The following MTA3 variants were observed in gnomAD, a reference collection of about 807,000 sequenced individuals.
The protein encoded by MTA3 is metastasis associated 1 family member 3.
MTA3 carries 34 observed loss-of-function variants against 83.5 expected under a neutral mutation model. That is an observed-to-expected ratio of 0.41 (90% CI 0.31 to 0.54). The LOEUF is 0.54. MTA3 is among the 20% of genes least tolerant of loss of function. MTA3 has a pLI of 0.33. For synonymous variants in MTA3, 303 were observed against 252.7 expected, an observed-to-expected ratio of 1.20 and a Z score of -1.89; for missense variants, 761 against 726.4, an observed-to-expected ratio of 1.05 and a Z score of -0.55.
chr2:42,696,060 A>G (rs994032545), intron 10 of MTA3, among the ~76,000 whole-genome samples: 4 of 152,168 alleles, frequency 2.6e-5, no homozygotes, highest in African/African-American at 9.6e-5. Flanking sequence ...TTGGAGAGAT[A>G]CCACTAGAGA....
rs1216701116 is a variant in MTA3 at position 42,568,825 on chromosome 2, G to A, written c.28+52G>A. 7.4e-6 allele frequency: 9 copies of A among 1,212,354 alleles called. No individual in the cohort carries two copies. The South Asian group carries it at 2.9e-4, about 39-fold the overall frequency. The allele number at this position is 1,212,354 out of a possible 1,614,324, so 75.1% of individuals were successfully genotyped here. On this transcript the variant is annotated intron_variant, in intron 1 of 16. Coordinates refer to ENST00000405094, the MANE Select transcript of MTA3 (RefSeq NM_001330442.2). ...CGTGTGGGAGCGGGTTCCGGGAGCG[G>A]GGGGCCGGGGCGAGTGCACGCCAAC... is the stretch of plus-strand genomic sequence containing the variant.
rs151256332 is a variant in MTA3, at chr2:42,647,894, G to A, written c.499+3650G>A. On this transcript the variant is annotated intron_variant, in intron 6 of 16. Transcript: ENST00000405094. Reference sequence around the variant, plus strand: ...GCTCTTGTTGCCCAGGCTGGAGTGCGGTGGCGTGATCTCGGCTCATTGCAA... The same window carrying A: ...GCTCTTGTTGCCCAGGCTGGAGTGCAGTGGCGTGATCTCGGCTCATTGCAA... Among the ~76,000 whole-genome samples, 1,272 of 152,172 alleles carry A rather than the reference G, an allele frequency of 8.4e-3. 17 individuals are homozygous for A. The highest frequency in any genetic ancestry group is 0.028 in the African/African-American group (1,175 of 41,520).
At chr2:42,599,193 C>G (rs764600509) in intron 3 of MTA3, among the ~76,000 whole-genome samples, 20 of 152,142 alleles carry the variant, frequency 1.3e-4, no homozygotes, top group Non-Finnish European at 2.6e-4. Context: ...TATAAGACTT[C>G]TATGAGTCTT....
intron 4 of MTA3, among the ~76,000 whole-genome samples, chr2:42,620,451 A>G (rs1246517053): frequency 6.6e-6 from 1 of 152,098 alleles, no homozygotes; most frequent in Non-Finnish European, 1.5e-5. Flanking sequence ...TGAACTCAGA[A>G]GTACACCTAA....
intron 2 of MTA3, among the ~76,000 whole-genome samples, chr2:42,505,103 A>T (rs767401908): frequency 6.6e-6 from 1 of 152,018 alleles, no homozygotes; most frequent in Non-Finnish European, 1.5e-5. Flanking sequence ...GCTTTAAGAG[A>T]TGAGATGGGG....
At chr2:42,562,688 A>G (rs1316851611) in intron 2 of MTA3, among the ~76,000 whole-genome samples, 1 of 152,170 alleles carries the variant, frequency 6.6e-6, no homozygotes, top group African/African-American at 2.4e-5. Context: ...GACTCAGGGA[A>G]CCTGCTTCTT....
At chr2:42,606,705 G>C (rs939029181) in intron 3 of MTA3, among the ~76,000 whole-genome samples, 2 of 151,716 alleles carry the variant, frequency 1.3e-5, no homozygotes, top group African/African-American at 4.8e-5. Flanking sequence ...TGCAATCTCG[G>C]CACTTTGGGA....
In MTA3 at chr2:42,754,085, G is replaced by C; in HGVS notation, c.*686G>C. The C allele has an allele frequency of 4.5e-5, 44 of 985,436 alleles. No homozygotes were observed. Among genetic ancestry groups the C allele is most frequent in the Non-Finnish European group, 5.3e-5 (44 of 829,966 alleles). 61.0% of individuals were successfully genotyped at this position (985,436 alleles called of 1,614,324 possible). A position where few individuals can be genotyped will look rare whatever the true frequency, so the allele number is the denominator to read the frequency against. ...CCTGTAAACTCATCATCTGTGTTTT[G>C]TGGTTGGAGAGAAACTGGTGTTCTG... On this transcript the variant is annotated 3_prime_UTR_variant, in exon 17 of 17. Coordinates refer to ENST00000405094, the MANE Select transcript of MTA3 (RefSeq NM_001330442.2).
chr2:42,673,096 GC>G (rs1690986173), intron 8 of MTA3, among the ~76,000 whole-genome samples: 1 of 142,794 alleles, frequency 7.0e-6, no homozygotes, highest in African/African-American at 2.6e-5. Context: ...ATCCACCCCC[GC>G]CCCCCTCTGA....
intron 4 of MTA3, among the ~76,000 whole-genome samples, chr2:42,621,494 A>G: frequency 6.6e-6 from 1 of 152,256 alleles, no homozygotes; most frequent in East Asian, 1.9e-4. Flanking sequence ...AATTCTTCTT[A>G]GTACAGAACA....
At position 42,568,667 on chromosome 2, in the gene MTA3, G is replaced by C. The variant is rs1678074292; in HGVS notation, c.-79G>C. On this transcript the variant is annotated 5_prime_UTR_variant, in exon 1 of 17. Transcript: ENST00000405094. ...AGCAGCGACGGCGGCGGCGGCAGCG[G>C]CGGTCGCGGCTGAGGCTGAGGAGGA... The C allele has an allele frequency of 9.0e-7, 1 of 1,106,864 alleles. No individual in the cohort carries two copies. The highest frequency in any genetic ancestry group is 1.1e-6 in the Non-Finnish European group (1 of 889,806). The allele number at this position is 1,106,864 out of a possible 1,614,324, so 68.6% of individuals were successfully genotyped here. A position where few individuals can be genotyped will look rare whatever the true frequency, so the allele number is the denominator to read the frequency against.
chr2:42,716,079 C>T (rs912265937), intron 14 of MTA3, among the ~76,000 whole-genome samples: 1 of 152,130 alleles, frequency 6.6e-6, no homozygotes, highest in Non-Finnish European at 1.5e-5. Flanking sequence ...ATTACTCTTC[C>T]ACAAGATGTT....
At chr2:42,743,497 G>A (rs1199772057) in intron 16 of MTA3, among the ~76,000 whole-genome samples, 5 of 152,210 alleles carry the variant, frequency 3.3e-5, no homozygotes, top group Non-Finnish European at 2.9e-5. Context: ...GCCAGGGAAA[G>A]TGATGAATTG....
chr2:42,734,379 G>A (rs1960952), intron 16 of MTA3, among the ~76,000 whole-genome samples: 79,679 of 146,310 alleles, frequency 0.54, 22,185 homozygotes, highest in East Asian at 0.69. Flanking sequence ...CCATTTGCAT[G>A]GAATTTTTTT....
At chr2:42,707,860 T>G (rs755778945) in intron 12 of MTA3, 43 bp from the exon 13 acceptor site, 2 of 1,471,908 alleles carry the variant, frequency 1.4e-6, no homozygotes, top group South Asian at 1.5e-5. Context: ...TGTTACAAAT[T>G]AAATAGCATT....
chr2:42,752,311 A>C lies in MTA3; in HGVS notation c.1760-1063A>C. The C allele has an allele frequency of 4.2e-6, 2 of 470,832 alleles. 1 individual carries two copies. Among genetic ancestry groups the C allele is most frequent in the Non-Finnish European group, 8.8e-6 (2 of 226,928 alleles). 29.2% of individuals were successfully genotyped at this position (470,832 alleles called of 1,614,324 possible). A position where few individuals can be genotyped will look rare whatever the true frequency, so the allele number is the denominator to read the frequency against. On this transcript the variant is annotated intron_variant, in intron 16 of 16. Transcript: ENST00000405094. ...GGCATGCTCTGAGGCTGTGAAGGTGAGCATTGCTGGGTCCTTTCCTGGCAG... is the reference window on the plus strand; with the variant it reads ...GGCATGCTCTGAGGCTGTGAAGGTGCGCATTGCTGGGTCCTTTCCTGGCAG...
Position 42,722,991 on chromosome 2 carries a change from G to A in MTA3, c.1715G>A (p.Ser572Asn). 1.9e-6 allele frequency: 3 copies of A among 1,551,070 alleles called. No homozygotes were observed. Among genetic ancestry groups the A allele is most frequent in the Non-Finnish European group, 2.6e-6 (3 of 1,147,090 alleles). Residue 572 changes from serine to asparagine, a missense_variant, in exon 16 of 17, where the codon AGC becomes AAC. Coordinates refer to ENST00000405094, the MANE Select transcript of MTA3 (RefSeq NM_001330442.2). ...MLTTPNHTSL[S>N]ILGKRNYSHH... Reference sequence around the variant, plus strand: ...ACAACTCCAAATCACACATCTCTGAGCATTCTGGGGAAAAGAAACTACAGT... The same window carrying A: ...ACAACTCCAAATCACACATCTCTGAACATTCTGGGGAAAAGAAACTACAGT...
intron 2 of MTA3, among the ~76,000 whole-genome samples, chr2:42,519,863 A>G (rs1298521044): frequency 1.3e-5 from 2 of 152,170 alleles, no homozygotes; most frequent in Non-Finnish European, 2.9e-5. Context: ...ATCCTGGGCA[A>G]CATGGTGAAA....
At chr2:42,734,398 A>G (rs1245620848) in intron 16 of MTA3, among the ~76,000 whole-genome samples, 2 of 97,612 alleles carry the variant, frequency 2.0e-5, no homozygotes, top group African/African-American at 7.6e-5. Context: ...TTTTTTTTCC[A>G]TCCCTTTACT....
Sources: allele counts gnomAD v4.1 joint callset (sites outside exome capture counted in the v4.1 genomes callset), GRCh38; gene constraint gnomAD v4.1.1; transcripts MANE v1.5; gene names NCBI Gene and HGNC (gene_info 2026-07-23, HGNC 2026-07-21).